TTLL11: variants seen among roughly 807,000 people sequenced by gnomAD.
The protein encoded by TTLL11 is tubulin polyglutamylase TTLL11.
A neutral mutation model predicts 51.7 loss-of-function variants in TTLL11; 42 were observed. The observed-to-expected ratio is 0.81, with a 90% CI of 0.64 to 1.05. The LOEUF (loss-of-function observed/expected upper bound fraction) is 1.05. Ranked by LOEUF, TTLL11 falls within the 50% of genes least tolerant of loss-of-function variation. The probability of loss-of-function intolerance (pLI) is 0.00; values close to 1 mark genes in which losing one functional copy is unlikely to be tolerated. For missense variants in TTLL11, 799 were observed against 940.4 expected (o/e 0.85, Z 1.97); for synonymous variants, 381 against 383.5 (o/e 0.99, Z 0.08).
chr9:121,987,046 C>A (rs1842960404), intron 4 of TTLL11, among the ~76,000 whole-genome samples: 1 of 151,944 alleles, frequency 6.6e-6, no homozygotes, highest in South Asian at 2.1e-4. Flanking sequence ...TTTATAATAG[C>A]ATTTTTATAA....
chr9:122,093,109 A>C lies in TTLL11; in HGVS notation c.40T>G (p.Trp14Gly). Residue 14 changes from tryptophan (W) to glycine (G), a missense_variant, in exon 1 of 9, where the codon TGG becomes GGG. By Grantham distance (184) the Trp-to-Gly change is radical. Transcript: ENST00000321582. The part of the protein sequence containing the change: ...GSSESELAAR[W>G]EAEAVAAAKA... ...GCCGCAGCCACCGCCTCCGCCTCCC[A>C]CCGGGCCGCCAGCTCGCTCTCGGAG... is the stretch of plus-strand genomic sequence containing the variant. 6.7e-7 allele frequency: 1 copy of C among 1,495,176 alleles called. No homozygotes were observed. Among genetic ancestry groups the C allele is most frequent in the Non-Finnish European group, 8.9e-7 (1 of 1,129,528 alleles). The allele number at this position is 1,495,176 out of a possible 1,614,324, so 92.6% of individuals were successfully genotyped here. A position where few individuals can be genotyped will look rare whatever the true frequency, so the allele number is the denominator to read the frequency against.
At chr9:121,828,830 T>G (rs540786122) in intron 8 of TTLL11, among the ~76,000 whole-genome samples, 1 of 152,112 alleles carries the variant, frequency 6.6e-6, no homozygotes, top group Non-Finnish European at 1.5e-5. Context: ...CTGGGTGAGA[T>G]GGCTTAACCC....
chr9:121,836,438 G>A (rs1370458639), intron 8 of TTLL11, among the ~76,000 whole-genome samples: 2 of 152,292 alleles, frequency 1.3e-5, no homozygotes, highest in East Asian at 3.9e-4. Context: ...GTGATGGGGA[G>A]CTCACCACTG....
chr9:121,911,307 G>A (rs1840108541), intron 6 of TTLL11, among the ~76,000 whole-genome samples: 1 of 152,150 alleles, frequency 6.6e-6, no homozygotes, highest in South Asian at 2.1e-4. Context: ...TGAGGCTGGA[G>A]AATCGCTTGA....
intron 3 of TTLL11, among the ~76,000 whole-genome samples, chr9:121,990,139 C>T (rs1449711282): frequency 1.3e-5 from 2 of 152,200 alleles, no homozygotes; most frequent in Admixed American, 1.3e-4. Flanking sequence ...TGTGAAATGC[C>T]AGGCACTATA....
At chr9:122,010,305 C>T (rs924439230) in intron 3 of TTLL11, among the ~76,000 whole-genome samples, 10 of 152,142 alleles carry the variant, frequency 6.6e-5, no homozygotes, top group Non-Finnish European at 8.8e-5. Flanking sequence ...TTGCTTAAAA[C>T]GAAAATACAT....
chr9:122,013,280 T>C (rs191018723), intron 3 of TTLL11, among the ~76,000 whole-genome samples: 1 of 152,170 alleles, frequency 6.6e-6, no homozygotes, highest in African/African-American at 2.4e-5. Flanking sequence ...TAGGGTCCTA[T>C]AATTGAGAGA....
At chr9:122,064,845 G>A (rs1845532957) in intron 1 of TTLL11, among the ~76,000 whole-genome samples, 1 of 152,138 alleles carries the variant, frequency 6.6e-6, no homozygotes, top group Admixed American at 6.5e-5. Context: ...GGCACACAGA[G>A]GTCTTAAGAT....
At chr9:122,012,958 T>C (rs775907300) in intron 3 of TTLL11, among the ~76,000 whole-genome samples, 2 of 152,212 alleles carry the variant, frequency 1.3e-5, no homozygotes, top group Non-Finnish European at 2.9e-5. Flanking sequence ...ATTTCACACA[T>C]ACACCTGAGG....
chr9:121,967,105 G>A (rs1022420185), intron 6 of TTLL11, among the ~76,000 whole-genome samples: 3 of 151,846 alleles, frequency 2.0e-5, no homozygotes, highest in African/African-American at 7.3e-5. Context: ...AGCCCAGGGT[G>A]CCATGATCAG....
chr9:121,944,382 C>T (rs1414343529), intron 6 of TTLL11, among the ~76,000 whole-genome samples: 1 of 152,002 alleles, frequency 6.6e-6, no homozygotes, highest in Non-Finnish European at 1.5e-5. Flanking sequence ...GTGGCAGGCA[C>T]CTGTAGTCTC....
intron 1 of TTLL11, among the ~76,000 whole-genome samples, chr9:122,046,772 A>G (rs1845015874): frequency 6.6e-6 from 1 of 152,176 alleles, no homozygotes; most frequent in Non-Finnish European, 1.5e-5. Flanking sequence ...TTAAGCCTCT[A>G]TCCTCAGGAG....
At chr9:121,901,473 C>T (rs1403146142) in intron 6 of TTLL11, among the ~76,000 whole-genome samples, 1 of 152,126 alleles carries the variant, frequency 6.6e-6, no homozygotes, top group Non-Finnish European at 1.5e-5. Flanking sequence ...ACACCAACAA[C>T]TTAGAACAGC....
rs1485594135 is a variant in TTLL11 at position 121,822,563 on chromosome 9, T to C, written c.*24A>G. ...CCCTGAAAGCTGCTCTCGTCTTCCG[T>C]TTTCCAGGAGGACAGAGTGGCCCTC... is the stretch of plus-strand genomic sequence containing the variant. On this transcript the variant is annotated 3_prime_UTR_variant, in exon 9 of 9. Transcript: ENST00000321582. This position sits in a 1 kb window ranked among gnomAD's most constrained non-coding sequence, Gnocchi z 5.8. 13 of 1,424,150 alleles carry C rather than the reference T, an allele frequency of 9.1e-6. No homozygotes were observed. Among genetic ancestry groups the C allele is most frequent in the Non-Finnish European group, 1.1e-5 (12 of 1,085,534 alleles). The allele number at this position is 1,424,150 out of a possible 1,614,324, so 88.2% of individuals were successfully genotyped here.
intron 8 of TTLL11, among the ~76,000 whole-genome samples, chr9:121,840,483 C>T (rs1837317436): frequency 6.6e-6 from 1 of 152,172 alleles, no homozygotes; most frequent in Non-Finnish European, 1.5e-5. Flanking sequence ...GCAACCTCTA[C>T]CTACCAGGTT....
chr9:121,973,689 C>T (rs572624594), intron 6 of TTLL11, among the ~76,000 whole-genome samples: 87 of 152,018 alleles, frequency 5.7e-4, no homozygotes, highest in Non-Finnish European at 1.2e-3. Context: ...CACATGTATA[C>T]ATATGTAACA....
chr9:122,083,954 A>T (rs1846058495), intron 1 of TTLL11, among the ~76,000 whole-genome samples: 1 of 152,188 alleles, frequency 6.6e-6, no homozygotes. Context: ...ATGCTTGGGA[A>T]CAGTGTAAAT....
intron 1 of TTLL11, among the ~76,000 whole-genome samples, chr9:122,073,745 C>G (rs971024032): frequency 3.3e-5 from 5 of 152,170 alleles, no homozygotes; most frequent in Admixed American, 6.5e-5. Flanking sequence ...TACTTACAGC[C>G]AAAATATGTT....
intron 6 of TTLL11, among the ~76,000 whole-genome samples, chr9:121,876,232 C>T (rs1184076035): frequency 6.6e-6 from 1 of 152,198 alleles, no homozygotes; most frequent in African/African-American, 2.4e-5. Context: ...AAATCAGAGA[C>T]TTTTCTTCTT....
Sources: allele counts gnomAD v4.1 joint callset (sites outside exome capture counted in the v4.1 genomes callset), GRCh38; gene constraint gnomAD v4.1.1; non-coding constraint Gnocchi (gnomAD v3.1); transcripts MANE v1.5; gene names NCBI Gene and HGNC (gene_info 2026-07-23, HGNC 2026-07-21).